The following MAP3K13 variants were observed in gnomAD, a reference collection of about 807,000 sequenced individuals.
The protein encoded by MAP3K13 is leucine zipper-bearing kinase.
MAP3K13 carries 52 observed loss-of-function variants against 104.0 expected under a neutral mutation model. The observed-to-expected ratio is 0.50, with a 90% CI of 0.40 to 0.63. MAP3K13 has a LOEUF of 0.63. Ranked by LOEUF, MAP3K13 falls within the 20% of genes least tolerant of loss-of-function variation. The pLI is 0.00. For missense variants in MAP3K13, 914 were observed against 1,218.5 expected (o/e 0.75, Z 3.72); for synonymous variants, 394 against 442.2 (o/e 0.89, Z 1.37).
intron 10 of MAP3K13, among the ~76,000 whole-genome samples, chr3:185,470,456 C>A (rs986663964): frequency 4.6e-5 from 7 of 152,220 alleles, no homozygotes; most frequent in Non-Finnish European, 1.0e-4. Flanking sequence ...TGTGAAAGAA[C>A]TCCCTCCCTT....
intron 2 of MAP3K13, among the ~76,000 whole-genome samples, chr3:185,332,234 C>G (rs933906917): frequency 1.3e-5 from 2 of 151,994 alleles, no homozygotes; most frequent in Admixed American, 6.6e-5. Flanking sequence ...ACTCCCCCCC[C>G]CCATTATAAG....
At chr3:185,401,382 C>A (rs373652857) in intron 1 of MAP3K13, among the ~76,000 whole-genome samples, 1 of 149,502 alleles carries the variant, frequency 6.7e-6, no homozygotes, top group Non-Finnish European at 1.5e-5. Context: ...TCTGACAGCA[C>A]TGTATCCTGC....
Position 185,465,790 on chromosome 3 carries a change from C to G in MAP3K13, c.1432C>G (p.Arg478Gly). 1 of 1,614,016 alleles carries G rather than the reference C, an allele frequency of 6.2e-7. No individual in the cohort carries two copies. The highest frequency in any genetic ancestry group is 2.2e-5 in the East Asian group (1 of 44,886). Residue 478 changes from arginine to glycine, a missense_variant, in exon 9 of 14, where the codon CGG (arginine) becomes GGG (glycine). By Grantham distance (125) the Arg-to-Gly change is moderately radical (BLOSUM62 -2). Coordinates refer to ENST00000265026, the MANE Select transcript of MAP3K13 (RefSeq NM_004721.5). ...IREHYERKLE[R>G]ANNLYMELSA... ...TGAACACTATGAGCGGAAGCTTGAG[C>G]GGGCGAATAATTTATACATGGAATT... is the stretch of plus-strand genomic sequence containing the variant.
At chr3:185,387,609 A>C (rs1711774480) in intron 1 of MAP3K13, among the ~76,000 whole-genome samples, 3 of 152,162 alleles carry the variant, frequency 2.0e-5, no homozygotes, top group Admixed American at 6.5e-5. Context: ...ATTATTGATA[A>C]AATTCAACAT....
In MAP3K13 at chr3:185,372,167, T is replaced by G. The variant is rs560522275; in HGVS notation, c.-86+8799T>G. Among the ~76,000 whole-genome samples, 98 of 152,358 alleles carry G rather than the reference T, an allele frequency of 6.4e-4. No homozygotes were observed. The Middle Eastern group carries it at 0.014, about 21-fold the overall frequency. On this transcript the variant is annotated intron_variant, in intron 1 of 13. Transcript: ENST00000265026. ...CATACCTTTGGATATTTCCAGCCAC[T>G]GCTTCCAGACCTAAATTACAGACCC... is the stretch of plus-strand genomic sequence containing the variant.
At chr3:185,329,287 C>T (rs1342441073) in intron 2 of MAP3K13, 1 of 702,572 alleles carries the variant, frequency 1.4e-6, no homozygotes, top group Admixed American at 2.0e-5. Context: ...TGTTTCTAAG[C>T]AGTGCTTAGA....
At chr3:185,331,092 CTTTTT>C (rs34204309) in intron 2 of MAP3K13, among the ~76,000 whole-genome samples, 1 of 108,582 alleles carries the variant, frequency 9.2e-6, no homozygotes, top group Non-Finnish European at 1.8e-5. Flanking sequence ...CCTAATTTAC[CTTTTT>C]TTTTTTTTTT....
At chr3:185,362,590 G>A (rs1386191277), upstream of MAP3K13, among the ~76,000 whole-genome samples, 1 of 152,116 alleles carries the variant, frequency 6.6e-6, no homozygotes, top group Non-Finnish European at 1.5e-5. Context: ...TTTTCCATAT[G>A]TCTGTTTTCT....
chr3:185,449,731 AT>A (rs11322943), intron 5 of MAP3K13, among the ~76,000 whole-genome samples, 168 bp from the exon 6 acceptor site: 109,670 of 144,498 alleles, frequency 0.76, 42,730 homozygotes, highest in East Asian at 0.89. Flanking sequence ...CCCCACATAG[AT>A]TTTTTTTTTT....
intron 1 of MAP3K13, among the ~76,000 whole-genome samples, chr3:185,397,883 C>T (rs951840858): frequency 6.6e-6 from 1 of 152,034 alleles, no homozygotes; most frequent in African/African-American, 2.4e-5. Flanking sequence ...TGGAGCGGAG[C>T]CTGCCCATAT....
At chr3:185,335,728 G>A (rs1402331279) in intron 2 of MAP3K13, among the ~76,000 whole-genome samples, 1 of 152,092 alleles carries the variant, frequency 6.6e-6, no homozygotes, top group Non-Finnish European at 1.5e-5. Context: ...TAAATGCTAT[G>A]TGAATCATTG....
At chr3:185,381,465 A>G (rs1026501414) in intron 1 of MAP3K13, among the ~76,000 whole-genome samples, 1 of 152,242 alleles carries the variant, frequency 6.6e-6, no homozygotes, top group Non-Finnish European at 1.5e-5. Flanking sequence ...TCATTTGCAG[A>G]CATGCACACA....
chr3:185,357,639 T>C (rs1353507513), intron 2 of MAP3K13, among the ~76,000 whole-genome samples: 1 of 152,126 alleles, frequency 6.6e-6, no homozygotes, highest in Admixed American at 6.5e-5. Context: ...AATTTGTATG[T>C]TATGGAATGG....
At chr3:185,459,893 G>T (rs1213470407) in intron 7 of MAP3K13, among the ~76,000 whole-genome samples, 1 of 151,948 alleles carries the variant, frequency 6.6e-6, no homozygotes, top group African/African-American at 2.4e-5. Context: ...ACCACCCCCG[G>T]TAATCTCTAT....
chr3:185,354,969 T>G (rs1029393736), intron 2 of MAP3K13, among the ~76,000 whole-genome samples: 3 of 152,146 alleles, frequency 2.0e-5, no homozygotes, highest in African/African-American at 7.2e-5. Flanking sequence ...AGAGTTTAGA[T>G]AAAAGCTATA....
chr3:185,365,832 C>T (rs952925400), intron 1 of MAP3K13, among the ~76,000 whole-genome samples: 22 of 115,846 alleles, frequency 1.9e-4, no homozygotes, highest in Non-Finnish European at 3.2e-4. Context: ...TTTCCCTTCC[C>T]TCCCTACCTC....
chr3:185,418,691 C>G lies in MAP3K13; in HGVS notation c.-85-9806C>G. The G allele has an allele frequency of 6.2e-7, 1 of 1,611,512 alleles. No individual in the cohort carries two copies. Among genetic ancestry groups the G allele is most frequent in the South Asian group, 1.1e-5 (1 of 91,000 alleles). On this transcript the variant is annotated intron_variant, in intron 1 of 13. Coordinates refer to ENST00000265026, the MANE Select transcript of MAP3K13 (RefSeq NM_004721.5). This position sits in a 1 kb window ranked among gnomAD's most constrained non-coding sequence, Gnocchi z 4.5. Reference sequence around the variant, plus strand: ...TTCACAATATCTGGTCGAATAGGAGCCTTGAATACAGCAGGCTAAGTGACA... The same window carrying G: ...TTCACAATATCTGGTCGAATAGGAGGCTTGAATACAGCAGGCTAAGTGACA...
intron 2 of MAP3K13, among the ~76,000 whole-genome samples, chr3:185,322,378 G>GTATC (rs1163226831): frequency 1.3e-5 from 2 of 152,158 alleles, no homozygotes; most frequent in African/African-American, 4.8e-5. Flanking sequence ...CATCTTTTGT[G>GTATC]TATCTTTGTT....
chr3:185,334,805 C>T (rs1219122620), intron 2 of MAP3K13, among the ~76,000 whole-genome samples: 2 of 152,030 alleles, frequency 1.3e-5, no homozygotes, highest in African/African-American at 4.8e-5. Context: ...GACGGTGTTT[C>T]ACCATGTTGG....
Sources: allele counts gnomAD v4.1 joint callset (sites outside exome capture counted in the v4.1 genomes callset), GRCh38; gene constraint gnomAD v4.1.1; non-coding constraint Gnocchi (gnomAD v3.1); transcripts MANE v1.5; gene names NCBI Gene and HGNC (gene_info 2026-07-23, HGNC 2026-07-21).